ZNF184: variants seen among roughly 807,000 people sequenced by gnomAD.
The protein encoded by ZNF184 is zinc finger protein 184 (Kruppel-like).
ZNF184 carries 16 observed loss-of-function variants against 54.4 expected under a neutral mutation model. The ratio of observed to expected loss-of-function variants is 0.29; its 90% CI spans 0.20 to 0.45. The LOEUF (loss-of-function observed/expected upper bound fraction) is 0.45, where lower values mean the gene tolerates loss of function less well. Among genes scored for constraint, ZNF184 ranks in the 20% least tolerant of loss-of-function variants. ZNF184 has a pLI of 1.00. For missense variants in ZNF184, 681 were observed against 888.2 expected, an observed-to-expected ratio of 0.77 and a Z score of 2.97; for synonymous variants, 254 against 295.3, an observed-to-expected ratio of 0.86 and a Z score of 1.43.
chr6:27,434,762 G>T, the ZNF184 span, among the ~76,000 whole-genome samples: 1 of 152,126 alleles, frequency 6.6e-6, no homozygotes, highest in African/African-American at 2.4e-5. Flanking sequence ...TCTTGTAGGG[G>T]TTATGTTTTC....
rs764287878 is a variant in ZNF184 at position 27,467,824 on chromosome 6, A to T, written c.75+29T>A. The T allele has an allele frequency of 3.8e-6, 6 of 1,581,440 alleles. No individual in the cohort carries two copies. In the African/African-American group the frequency reaches 8.2e-5, roughly 22 times the overall value. ...AACCACAATCACCCTCTAAAGAATA[A>T]AATGGCATTTCAAGAAACCACATCT... On this transcript the variant is annotated intron_variant, in intron 3 of 5. Transcript: ENST00000683788.
the ZNF184 span, among the ~76,000 whole-genome samples, chr6:27,423,621 A>G: frequency 7.6e-6 from 1 of 130,940 alleles, no homozygotes; most frequent in Non-Finnish European, 1.7e-5. Flanking sequence ...TGAAAAGCAT[A>G]AAGGGATGAA....
chr6:27,427,947 A>G, the ZNF184 span, among the ~76,000 whole-genome samples: 39 of 152,246 alleles, frequency 2.6e-4, no homozygotes, highest in Non-Finnish European at 4.7e-4. Context: ...TCAAAATCTG[A>G]TGTCATTTAC....
the ZNF184 span, among the ~76,000 whole-genome samples, chr6:27,424,188 C>G: frequency 1.3e-5 from 2 of 152,284 alleles, no homozygotes; most frequent in African/African-American, 2.4e-5. Context: ...GCTCTTAAGG[C>G]ACCGCGTCTG....
downstream of ZNF184, among the ~76,000 whole-genome samples, chr6:27,447,721 C>T (rs756200809): frequency 1.3e-5 from 2 of 152,030 alleles, no homozygotes; most frequent in Non-Finnish European, 2.9e-5. Context: ...CTCAAAAAAA[C>T]AAACAAAAAA....
At chr6:27,460,302 A>C (rs1304510524) in intron 3 of ZNF184, among the ~76,000 whole-genome samples, 2 of 152,226 alleles carry the variant, frequency 1.3e-5, no homozygotes, top group Non-Finnish European at 2.9e-5. Context: ...CTATGTATTT[A>C]AAACTAAGTG....
chr6:27,412,518 G>T, the ZNF184 span, among the ~76,000 whole-genome samples: 2 of 152,138 alleles, frequency 1.3e-5, no homozygotes, highest in Non-Finnish European at 2.9e-5. Context: ...AGAGCTATGG[G>T]CACACAGGCA....
At position 27,465,095 on chromosome 6, in the gene ZNF184, G is replaced by T. The variant is rs566318131; in HGVS notation, c.75+2758C>A. Among the ~76,000 whole-genome samples the T allele has an allele frequency of 1.1e-3, 161 of 147,418 alleles. 5 individuals carry two copies. The South Asian group carries it at 0.03, about 28-fold the overall frequency. On this transcript the variant is annotated intron_variant, in intron 3 of 5. Coordinates refer to ENST00000683788, the MANE Select transcript of ZNF184 (RefSeq NM_001318891.2). ...TGGCACCATCTACGAACCAGACACA[G>T]AATCTACAGGCACTTTGATCTTGAA...
the ZNF184 span, among the ~76,000 whole-genome samples, chr6:27,432,130 A>G: frequency 6.6e-6 from 1 of 152,094 alleles, no homozygotes; most frequent in South Asian, 2.1e-4. This position sits in a 1 kb window ranked among gnomAD's most constrained non-coding sequence, Gnocchi z 4.0. Flanking sequence ...CAAGGGAGAG[A>G]GCATCCAAAC....
At chr6:27,408,139 G>A in the ZNF184 span, 5 of 666,202 alleles carry the variant, frequency 7.5e-6, no homozygotes, top group South Asian at 1.7e-5. Flanking sequence ...ACACTGGGGT[G>A]AGAAGGGATC....
At chr6:27,464,082 T>C (rs1323360409) in intron 3 of ZNF184, among the ~76,000 whole-genome samples, 1 of 152,160 alleles carries the variant, frequency 6.6e-6, no homozygotes, top group East Asian at 1.9e-4. Flanking sequence ...TAGCACTCCC[T>C]ACCAAGTCAT....
At chr6:27,419,858 T>C in the ZNF184 span, among the ~76,000 whole-genome samples, 2 of 152,186 alleles carry the variant, frequency 1.3e-5, no homozygotes, top group Admixed American at 6.5e-5. This position sits in a 1 kb window ranked among gnomAD's most constrained non-coding sequence, Gnocchi z 4.8. Context: ...CCCTCCACAG[T>C]CTCATCTCAG....
At chr6:27,457,176 A>G in intron 4 of ZNF184, 107 bp downstream of exon 4, 1 of 1,447,958 alleles carries the variant, frequency 6.9e-7, no homozygotes, top group Admixed American at 2.3e-5. Context: ...AAAACTAGAA[A>G]TTTAGAAATG....
At chr6:27,409,758 C>T in the ZNF184 span, among the ~76,000 whole-genome samples, 1 of 151,868 alleles carries the variant, frequency 6.6e-6, no homozygotes. Context: ...TTAGTGCAGC[C>T]TAATGTACAG....
the ZNF184 span, among the ~76,000 whole-genome samples, chr6:27,424,492 C>G: frequency 6.6e-6 from 1 of 152,112 alleles, no homozygotes; most frequent in Admixed American, 6.5e-5. Context: ...CGTTTATAAT[C>G]CCTGAGCTAG....
the ZNF184 span, chr6:27,406,483 A>G: frequency 6.6e-6 from 1 of 152,150 alleles, no homozygotes; most frequent in African/African-American, 2.4e-5. Flanking sequence ...AAGTCCATAT[A>G]TGGCCTTTGG....
chr6:27,448,956 A>C (rs1762669223), downstream of ZNF184, among the ~76,000 whole-genome samples: 1 of 152,206 alleles, frequency 6.6e-6, no homozygotes, highest in Non-Finnish European at 1.5e-5. Flanking sequence ...CTGCAACAGA[A>C]TATTTGGCTT....
rs894390381 is a variant in ZNF184, at chr6:27,453,938, G to A, written c.299-678C>T. On this transcript the variant is annotated intron_variant, in intron 5 of 5. Coordinates refer to ENST00000683788, the MANE Select transcript of ZNF184 (RefSeq NM_001318891.2). This position sits in a 1 kb window ranked among gnomAD's most constrained non-coding sequence, Gnocchi z 4.7. ...TATCAGCTCAAAAAAAGAAGGACAAGAATAGCTAAAGCCTTAGAAATATAT... is the reference window on the plus strand; with the variant it reads ...TATCAGCTCAAAAAAAGAAGGACAAAAATAGCTAAAGCCTTAGAAATATAT... 2.0e-5 allele frequency among the ~76,000 whole-genome samples: 3 copies of A among 152,116 alleles called. No individual in the cohort carries two copies. The highest frequency in any genetic ancestry group is 4.4e-5 in the Non-Finnish European group (3 of 68,012).
At chr6:27,466,675 A>T (rs1763147199) in intron 3 of ZNF184, among the ~76,000 whole-genome samples, 1 of 84,640 alleles carries the variant, frequency 1.2e-5, no homozygotes, top group Admixed American at 1.3e-4. Context: ...ATACCCCCCA[A>T]TTAAAAAAAA....
Sources: allele counts gnomAD v4.1 joint callset (sites outside exome capture counted in the v4.1 genomes callset), GRCh38; gene constraint gnomAD v4.1.1; non-coding constraint Gnocchi (gnomAD v3.1); transcripts MANE v1.5; gene names NCBI Gene and HGNC (gene_info 2026-07-23, HGNC 2026-07-21).